HACE1: variants seen among roughly 807,000 people sequenced by gnomAD.
HACE1 encodes HECT domain and ankyrin repeat containing E3 ubiquitin protein ligase 1, also known as E3 ubiquitin-protein ligase HACE1.
HACE1 carries 73 observed loss-of-function variants against 118.4 expected under a neutral mutation model. The observed-to-expected ratio is 0.62, with a 90% confidence interval of 0.51 to 0.75. HACE1 has a LOEUF of 0.75. Ranked by LOEUF, HACE1 falls within the 30% of genes least tolerant of loss-of-function variation. The pLI is 0.00. For synonymous variants in HACE1, 368 were observed against 374.8 expected (o/e 0.98, Z 0.21); for missense variants, 749 against 1,102.2 (o/e 0.68, Z 4.54).
At position 104,795,567 on chromosome 6, in the gene HACE1, C is replaced by G; in HGVS notation, c.923+12G>C. 1.3e-6 allele frequency: 2 copies of G among 1,491,058 alleles called. No homozygotes were observed. Among genetic ancestry groups the G allele is most frequent in the Non-Finnish European group, 9.4e-7 (1 of 1,067,862 alleles). The allele number at this position is 1,491,058 out of a possible 1,614,324, so 92.4% of individuals were successfully genotyped here. ...GCTACCTATTGATTTCCTCTTATTGCGAAACACTTACCTAAGCAGTTTATG... is the reference window on the plus strand; with the variant it reads ...GCTACCTATTGATTTCCTCTTATTGGGAAACACTTACCTAAGCAGTTTATG... On this transcript the variant is annotated intron_variant, in intron 10 of 23. Transcript: ENST00000262903.
At chr6:104,857,785 G>C (rs1018251789) in intron 1 of HACE1, among the ~76,000 whole-genome samples, 1 of 151,834 alleles carries the variant, frequency 6.6e-6, no homozygotes, top group Non-Finnish European at 1.5e-5. Flanking sequence ...GTGAAACCCC[G>C]TCTCTACTAA....
intron 7 of HACE1, among the ~76,000 whole-genome samples, chr6:104,800,015 G>GCTTTTCCCAAGGT (rs1423232138): frequency 6.6e-6 from 1 of 152,100 alleles, no homozygotes; most frequent in East Asian, 1.9e-4. Flanking sequence ...AAAATACGGC[G>GCTTTTCCCAAGGT]CTTTTCCCAA....
At chr6:104,825,755 C>T (rs1044035574) in intron 6 of HACE1, among the ~76,000 whole-genome samples, 3 of 152,212 alleles carry the variant, frequency 2.0e-5, no homozygotes, top group African/African-American at 7.2e-5. Flanking sequence ...GGCCAATTCC[C>T]ACCCTGTGGA....
intron 20 of HACE1, among the ~76,000 whole-genome samples, chr6:104,750,120 C>G (rs1777877440): frequency 6.6e-6 from 1 of 152,106 alleles, no homozygotes; most frequent in South Asian, 2.1e-4. Context: ...TTGTCACCAC[C>G]TCACCTCACT....
In HACE1 at chr6:104,744,535, C is replaced by T. The variant is rs1777194641; in HGVS notation, c.2419G>A (p.Glu807Lys). Reference sequence around the variant, plus strand: ...ACCTGAATAACTGGATCTTCTCTTTCATAGCCACTTGTGTATTCTGTATTT... The same window carrying T: ...ACCTGAATAACTGGATCTTCTCTTTTATAGCCACTTGTGTATTCTGTATTT... ...IKNTEYTSGYEREDPVIQWFW... is the reference protein window; with the variant it reads ...IKNTEYTSGYKREDPVIQWFW... The change falls in exon 21 of 24, where the codon GAA becomes AAA. Residue 807 changes from glutamate (E) to lysine (K), a missense_variant. By Grantham distance (56) the Glu-to-Lys change is moderately conservative. Transcript: ENST00000262903. 2.5e-6 allele frequency: 4 copies of T among 1,591,998 alleles called. No homozygotes were observed. In the East Asian group the frequency reaches 9.0e-5, roughly 36 times the overall value.
intron 22 of HACE1, among the ~76,000 whole-genome samples, chr6:104,738,019 C>A (rs547301953): frequency 6.6e-6 from 1 of 151,934 alleles, no homozygotes; most frequent in Non-Finnish European, 1.5e-5. Flanking sequence ...CCCTGACCCC[C>A]GAGCAGCCTA....
At chr6:104,782,870 A>T (rs1438415252) in intron 14 of HACE1, among the ~76,000 whole-genome samples, 1 of 152,216 alleles carries the variant, frequency 6.6e-6, no homozygotes, top group Non-Finnish European at 1.5e-5. Context: ...ATTATCTTAC[A>T]ACTACTAACC....
intron 7 of HACE1, among the ~76,000 whole-genome samples, chr6:104,800,941 C>T (rs1770264655): frequency 6.6e-6 from 1 of 152,092 alleles, no homozygotes; most frequent in South Asian, 2.1e-4. Context: ...GATGTTCTAA[C>T]CCATCACAAG....
At chr6:104,757,718 C>G (rs938633741) in intron 19 of HACE1, among the ~76,000 whole-genome samples, 5 of 152,154 alleles carry the variant, frequency 3.3e-5, no homozygotes, top group Non-Finnish European at 5.9e-5. Flanking sequence ...CAGAAGTAGG[C>G]TTCAGAAGGT....
At chr6:104,740,971 T>A (rs1430943324) in intron 22 of HACE1, among the ~76,000 whole-genome samples, 1 of 131,390 alleles carries the variant, frequency 7.6e-6, no homozygotes, top group Non-Finnish European at 1.6e-5. Context: ...CATGATCAAG[T>A]GGGCTTCATC....
Position 104,849,089 on chromosome 6 carries a change from C to T in HACE1, c.326+53G>A, listed in dbSNP as rs953049949. 7.0e-6 allele frequency: 7 copies of T among 1,001,238 alleles called. No homozygotes were observed. The African/African-American group carries it at 1.1e-4, about 16-fold the overall frequency. The allele number at this position is 1,001,238 out of a possible 1,614,324, so 62.0% of individuals were successfully genotyped here. On this transcript the variant is annotated intron_variant, in intron 4 of 23. Coordinates refer to ENST00000262903, the MANE Select transcript of HACE1 (RefSeq NM_020771.4). ...GGAATCATCAAACGAAGGCAAAGTG[C>T]CTTGAATAACTGATAATACAACTTA...
chr6:104,822,181 C>T (rs1772801999), intron 6 of HACE1, among the ~76,000 whole-genome samples: 1 of 124,410 alleles, frequency 8.0e-6, no homozygotes, highest in Non-Finnish European at 1.6e-5. Flanking sequence ...AGGAGATCAA[C>T]ACGGTGAAAC....
chr6:104,798,716 C>T (rs1179906250), intron 7 of HACE1, among the ~76,000 whole-genome samples: 1 of 152,180 alleles, frequency 6.6e-6, no homozygotes, highest in African/African-American at 2.4e-5. Context: ...GTTTCATTTA[C>T]ACTGTTCCAT....
At chr6:104,766,113 C>T (rs1480999608) in intron 19 of HACE1, among the ~76,000 whole-genome samples, 1 of 152,178 alleles carries the variant, frequency 6.6e-6, no homozygotes, top group East Asian at 1.9e-4. Context: ...AAAGAAAAGA[C>T]ATGAGTAATG....
chr6:104,792,280 A>T (rs932718911), intron 10 of HACE1, among the ~76,000 whole-genome samples: 1 of 152,172 alleles, frequency 6.6e-6, no homozygotes, highest in Non-Finnish European at 1.5e-5. Context: ...CCTACCATGA[A>T]AAAAGAAAAG....
At chr6:104,780,359 T>C (rs1781601146) in intron 14 of HACE1, 1 of 452,420 alleles carries the variant, frequency 2.2e-6, no homozygotes, top group Non-Finnish European at 4.4e-6. Flanking sequence ...GTACCTGCAT[T>C]TCCATAAATA....
At chr6:104,787,019 T>C (rs986438375) in intron 11 of HACE1, 2 of 152,238 alleles carry the variant, frequency 1.3e-5, no homozygotes, top group Non-Finnish European at 2.9e-5. Flanking sequence ...ACTTTCAGCC[T>C]TTCTTCAGAT....
intron 5 of HACE1, among the ~76,000 whole-genome samples, chr6:104,835,330 GA>G (rs1343304841): frequency 2.6e-5 from 4 of 151,980 alleles, no homozygotes; most frequent in African/African-American, 9.7e-5. Context: ...AAAGTAGGGG[GA>G]AAAAGGAACC....
At chr6:104,739,359 GAC>G (rs1776354056) in intron 22 of HACE1, among the ~76,000 whole-genome samples, 1 of 152,114 alleles carries the variant, frequency 6.6e-6, no homozygotes, top group Non-Finnish European at 1.5e-5. Context: ...CCAATTAAAA[GAC>G]ACAGACTGGC....
Sources: gnomAD v4.1 joint callset for allele counts (sites outside exome capture counted in the v4.1 genomes callset) on GRCh38, gnomAD v4.1.1 for gene constraint, MANE v1.5 for transcripts, NCBI Gene and HGNC (gene_info 2026-07-23, HGNC 2026-07-21) for gene names.